The following CDCA2 variants were observed in gnomAD, a reference collection of about 807,000 sequenced individuals.
CDCA2 encodes cell division cycle-associated protein 2.
Under a neutral mutation model 67.0 loss-of-function variants are expected in CDCA2, and 44 were observed. The ratio of observed to expected loss-of-function variants is 0.66; its 90% CI spans 0.52 to 0.84. The LOEUF (loss-of-function observed/expected upper bound fraction) is 0.84. CDCA2 is among the 40% of genes least tolerant of loss of function. The pLI, the probability that CDCA2 is intolerant of heterozygous loss-of-function variation, is 0.00. For missense variants in CDCA2, 1,253 were observed against 1,203.2 expected, an observed-to-expected ratio of 1.04 and a Z score of -0.61; for synonymous variants, 447 against 418.7, an observed-to-expected ratio of 1.07 and a Z score of -0.82.
chr8:25,461,285 A>C (rs1038406400), intron 3 of CDCA2, among the ~76,000 whole-genome samples: 3 of 151,870 alleles, frequency 2.0e-5, no homozygotes, highest in African/African-American at 4.8e-5. Context: ...AAAAAAAAAA[A>C]AAAAAACACA....
At chr8:25,477,943 T>TC (rs1563268358) in intron 7 of CDCA2, among the ~76,000 whole-genome samples, 3 of 151,560 alleles carry the variant, frequency 2.0e-5, no homozygotes, top group African/African-American at 7.3e-5. Context: ...TTTTTTTTTT[T>TC]CTTAAGTTAG....
In CDCA2 at chr8:25,483,239, A is replaced by G. The variant is rs548303525; in HGVS notation, c.1033-160A>G. 6.1e-4 allele frequency among the ~76,000 whole-genome samples: 93 copies of G among 152,328 alleles called. 1 individual carries two copies. The highest frequency in any genetic ancestry group is 2.2e-3 in the African/African-American group (90 of 41,570). On this transcript the variant is annotated intron_variant, in intron 8 of 14. Transcript: ENST00000330560. ...GACATAGTTATGATTTGTGCCTGATATCATGGTTTTGAGCCAGAACAATTA... is the reference window on the plus strand; with the variant it reads ...GACATAGTTATGATTTGTGCCTGATGTCATGGTTTTGAGCCAGAACAATTA...
chr8:25,468,072 C>A (rs543165189), intron 5 of CDCA2, 145 bp from the exon 6 acceptor site: 2 of 271,764 alleles, frequency 7.4e-6, no homozygotes, highest in Non-Finnish European at 1.2e-5. Flanking sequence ...GAGCTGAAAT[C>A]GCACCATTGT....
intron 13 of CDCA2, among the ~76,000 whole-genome samples, chr8:25,489,162 T>A (rs541856349): frequency 6.6e-6 from 1 of 152,320 alleles, no homozygotes; most frequent in East Asian, 1.9e-4. Context: ...ACAGTCCATG[T>A]GGTTAGCCAA....
At chr8:25,494,991 G>A (rs1335725285) in intron 13 of CDCA2, among the ~76,000 whole-genome samples, 2 of 152,186 alleles carry the variant, frequency 1.3e-5, no homozygotes, top group Non-Finnish European at 1.5e-5. Context: ...TGCACTGCTA[G>A]CCTCCAGAAC....
chr8:25,482,469 G>A (rs1803609283), intron 8 of CDCA2, among the ~76,000 whole-genome samples: 3 of 152,020 alleles, frequency 2.0e-5, no homozygotes, highest in Admixed American at 6.6e-5. Context: ...ACCAACCACA[G>A]ATCAAAAATT....
At chr8:25,504,928 C>G (rs955657540) in intron 14 of CDCA2, among the ~76,000 whole-genome samples, 3 of 152,192 alleles carry the variant, frequency 2.0e-5, no homozygotes, top group Non-Finnish European at 4.4e-5. Context: ...CATTACATCT[C>G]TAGTTCTTAA....
chr8:25,496,964 G>C (rs1362486567), intron 13 of CDCA2, among the ~76,000 whole-genome samples: 1 of 152,090 alleles, frequency 6.6e-6, no homozygotes, highest in East Asian at 1.9e-4. Flanking sequence ...TAGAAAGTTG[G>C]GGTTTTTAGT....
intron 6 of CDCA2, among the ~76,000 whole-genome samples, chr8:25,469,400 GATTA>G (rs1803063151): frequency 6.6e-6 from 1 of 152,172 alleles, no homozygotes; most frequent in African/African-American, 2.4e-5. Flanking sequence ...TCAGAACTTT[GATTA>G]ATTGTTTGAA....
At chr8:25,495,539 C>T (rs1804185267) in intron 13 of CDCA2, among the ~76,000 whole-genome samples, 2 of 152,048 alleles carry the variant, frequency 1.3e-5, no homozygotes, top group Admixed American at 1.3e-4. Flanking sequence ...CTCGGCCTCC[C>T]GAGTAGCTAG....
intron 10 of CDCA2, among the ~76,000 whole-genome samples, 186 bp from the exon 11 acceptor site, chr8:25,485,573 T>C (rs1803742582): frequency 6.6e-6 from 1 of 152,226 alleles, no homozygotes. Context: ...GATTGGTAAA[T>C]GGTATACATA....
chr8:25,459,782 T>G (rs73220082), intron 1 of CDCA2, among the ~76,000 whole-genome samples: 52,611 of 151,812 alleles, frequency 0.35, 9,085 homozygotes, highest in South Asian at 0.37. Context: ...AGTACGCGCT[T>G]AGAGTAAAAG....
At chr8:25,482,446 A>T (rs1187943320) in intron 8 of CDCA2, among the ~76,000 whole-genome samples, 1 of 152,208 alleles carries the variant, frequency 6.6e-6, no homozygotes, top group East Asian at 1.9e-4. Context: ...TTGGTTCTGC[A>T]TCCATGGATT....
Position 25,507,423 on chromosome 8 carries a change from C to T in CDCA2, c.2757C>T (p.Ala919=). ...SLPLPSTSQK[A]KRRTICTFDS... ...CACTTCCTTCCACTTCCCAAAAAGC[C>T]AAAAGAAGAACAATATGTACATTTG... The change falls in exon 15 of 15, where the codon GCC becomes GCT. Residue 919 remains alanine, a synonymous_variant. Transcript: ENST00000330560. The T allele has an allele frequency of 6.2e-7, 1 of 1,613,924 alleles. No homozygotes were observed. Among genetic ancestry groups the T allele is most frequent in the Non-Finnish European group, 8.5e-7 (1 of 1,179,990 alleles).
At chr8:25,460,599 A>G in intron 3 of CDCA2, 45 bp downstream of exon 3, 1 of 1,552,072 alleles carries the variant, frequency 6.4e-7, no homozygotes, top group Non-Finnish European at 8.7e-7. Flanking sequence ...CAAGTTTAAA[A>G]ATAACTTTAA....
In CDCA2 at chr8:25,468,538, T is replaced by TGTGTGTGTGC. The variant is rs1474597224; in HGVS notation, c.735+134_735+135insCGTGTGTGTG. 3.2e-5 allele frequency: 16 copies of TGTGTGTGTGC among 504,378 alleles called. No homozygotes were observed. In the East Asian group the frequency reaches 4.7e-4, roughly 15 times the overall value. 31.2% of individuals were successfully genotyped at this position (504,378 alleles called of 1,614,324 possible). Reference sequence around the variant, plus strand: ...TCTGCCCTGTGGTTCCTGGGGTGTGTGTGTGTGTGTGTGTGTGTGCGTGTG... The same window carrying TGTGTGTGTGC: ...TCTGCCCTGTGGTTCCTGGGGTGTGTGTGTGTGTGCGTGTGTGTGTGTGTGTGTGCGTGTG... On this transcript the variant is annotated intron_variant, in intron 6 of 14. Transcript: ENST00000330560.
chr8:25,484,586 A>G (rs952184405), intron 10 of CDCA2, among the ~76,000 whole-genome samples: 1 of 141,218 alleles, frequency 7.1e-6, no homozygotes, highest in African/African-American at 2.8e-5. Flanking sequence ...CTAGGTATAG[A>G]TGATTTTTTT....
chr8:25,473,345 A>C (rs1344434372), intron 7 of CDCA2, among the ~76,000 whole-genome samples: 1 of 152,184 alleles, frequency 6.6e-6, no homozygotes, highest in African/African-American at 2.4e-5. Flanking sequence ...TTCTGTTCCT[A>C]GTCTGAGAAT....
Position 25,506,882 on chromosome 8 carries a change from T to A in CDCA2, c.2216T>A (p.Phe739Tyr). ...CTGACCCTGCAGCAGGGTCAAGAAT[T>A]TTCTGCTGGTGGTCAAAATGCAGAA... is the stretch of plus-strand genomic sequence containing the variant. The part of the protein sequence containing the change: ...PALTLQQGQE[F>Y]SAGGQNAENL... Residue 739 changes from phenylalanine (F) to tyrosine (Y), a missense_variant, in exon 15 of 15, where the codon TTT (phenylalanine) becomes TAT (tyrosine). By Grantham distance (22) the Phe-to-Tyr change is conservative (BLOSUM62 3). Coordinates refer to ENST00000330560, the MANE Select transcript of CDCA2 (RefSeq NM_152562.4). 2 of 1,611,840 alleles carry A rather than the reference T, an allele frequency of 1.2e-6. 1 individual carries two copies.
Sources: gnomAD v4.1 joint callset for allele counts (sites outside exome capture counted in the v4.1 genomes callset) on GRCh38, gnomAD v4.1.1 for gene constraint, MANE v1.5 for transcripts, NCBI Gene and HGNC (gene_info 2026-07-23, HGNC 2026-07-21) for gene names.